SYT16: variants seen among roughly 807,000 people sequenced by gnomAD.
SYT16 encodes synaptotagmin 16, also known as synaptotagmin-16.
SYT16 carries 42 observed loss-of-function variants against 61.4 expected under a neutral mutation model. The ratio of observed to expected loss-of-function variants is 0.68; its 90% CI spans 0.53 to 0.89. SYT16 has a LOEUF of 0.89. Ranked by LOEUF, SYT16 falls within the 40% of genes least tolerant of loss-of-function variation. The pLI, the probability that SYT16 is intolerant of heterozygous loss-of-function variation, is 0.00. For synonymous variants in SYT16, 314 were observed against 302.3 expected (o/e 1.04, Z -0.40); for missense variants, 804 against 807.3 (o/e 1.00, Z 0.05).
At chr14:62,072,811 T>C (rs1297106650) in intron 4 of SYT16, among the ~76,000 whole-genome samples, 3 of 152,080 alleles carry the variant, frequency 2.0e-5, no homozygotes, top group Non-Finnish European at 4.4e-5. Context: ...TTTGGGAGTA[T>C]GAAAAAAGTA....
intron 1 of SYT16, among the ~76,000 whole-genome samples, chr14:61,882,231 A>G (rs944520404): frequency 1.3e-5 from 2 of 152,188 alleles, no homozygotes; most frequent in Non-Finnish European, 2.9e-5. Flanking sequence ...AATAAACAAG[A>G]GAGTACAGGA....
chr14:62,051,004 A>G (rs1248169568), intron 3 of SYT16, among the ~76,000 whole-genome samples: 1 of 152,230 alleles, frequency 6.6e-6, no homozygotes, highest in East Asian at 1.9e-4. Context: ...AAACTGTCAG[A>G]CAGGGACATT....
chr14:61,912,805 G>C (rs888225895), intron 1 of SYT16, among the ~76,000 whole-genome samples: 11 of 152,164 alleles, frequency 7.2e-5, no homozygotes, highest in African/African-American at 2.4e-4. Flanking sequence ...CAAAGATAAA[G>C]ATGATTTAGT....
Position 61,996,026 on chromosome 14 carries a change from T to C in SYT16, c.7T>C (p.Leu3=). ...AGACATCAGATAGCTGGCCATGGTG[T>C]TGGCCATGGCGTCTCAGGATGTTCA... MV[L]AMASQDVQNF... is the part of the protein sequence containing the mutation. The change falls in exon 3 of 8, where the codon TTG becomes CTG. Residue 3 remains leucine (L), a synonymous_variant. Transcript: ENST00000683842. 1 of 1,588,276 alleles carries C rather than the reference T, an allele frequency of 6.3e-7. No homozygotes were observed.
At chr14:62,015,713 A>G (rs1483880028) in intron 3 of SYT16, among the ~76,000 whole-genome samples, 1 of 152,186 alleles carries the variant, frequency 6.6e-6, no homozygotes, top group Admixed American at 6.5e-5. Context: ...CCATGTGAGG[A>G]CACAGTGAGA....
At chr14:61,826,333 T>C (rs2045771515) in intron 1 of SYT16, among the ~76,000 whole-genome samples, 1 of 152,068 alleles carries the variant, frequency 6.6e-6, no homozygotes, top group African/African-American at 2.4e-5. Flanking sequence ...GGGCAGAACA[T>C]GAACTCCACA....
intron 1 of SYT16, among the ~76,000 whole-genome samples, chr14:61,847,869 T>C (rs1164692832): frequency 6.6e-6 from 1 of 152,236 alleles, no homozygotes; most frequent in Non-Finnish European, 1.5e-5. Flanking sequence ...AGTATGTCAA[T>C]TGTAGTTTTT....
At chr14:61,911,499 A>C (rs1282839921) in intron 1 of SYT16, among the ~76,000 whole-genome samples, 1 of 152,196 alleles carries the variant, frequency 6.6e-6, no homozygotes, top group Non-Finnish European at 1.5e-5. Context: ...CTGTTGAAAA[A>C]TGTACAAAAG....
intron 1 of SYT16, among the ~76,000 whole-genome samples, chr14:61,932,783 G>C (rs1321960501): frequency 6.6e-6 from 1 of 152,174 alleles, no homozygotes; most frequent in Non-Finnish European, 1.5e-5. Context: ...CTGCTCATGA[G>C]ATTAAGCTAC....
chr14:61,951,683 C>T (rs2050676445), intron 1 of SYT16, among the ~76,000 whole-genome samples: 1 of 152,080 alleles, frequency 6.6e-6, no homozygotes, highest in Non-Finnish European at 1.5e-5. Context: ...CCCATTGACT[C>T]AACAACCAAT....
At chr14:62,028,482 A>G (rs79238664) in intron 3 of SYT16, among the ~76,000 whole-genome samples, 9,487 of 152,278 alleles carry the variant, frequency 0.062, 525 homozygotes, top group African/African-American at 0.15. Context: ...AGATTTGAAT[A>G]TAGGCAGCCT....
chr14:61,957,441 G>A (rs145154557), intron 1 of SYT16, among the ~76,000 whole-genome samples: 137 of 152,056 alleles, frequency 9.0e-4, no homozygotes, highest in African/African-American at 3.0e-3. Flanking sequence ...TTACCTGTGG[G>A]CTTTGAATAA....
At chr14:62,041,502 T>C (rs2054729085) in intron 3 of SYT16, among the ~76,000 whole-genome samples, 1 of 152,174 alleles carries the variant, frequency 6.6e-6, no homozygotes, top group South Asian at 2.1e-4. Context: ...TACAGAAAAC[T>C]CTGGGCCATT....
intron 1 of SYT16, among the ~76,000 whole-genome samples, chr14:61,910,591 C>T (rs2048896830): frequency 1.3e-5 from 2 of 149,942 alleles, no homozygotes; most frequent in Non-Finnish European, 3.0e-5. Context: ...AGTACAGTGG[C>T]ATGATCTCAG....
At chr14:61,913,335 G>T (rs2049002049) in intron 1 of SYT16, among the ~76,000 whole-genome samples, 1 of 152,112 alleles carries the variant, frequency 6.6e-6, no homozygotes, top group Non-Finnish European at 1.5e-5. Context: ...AATACAGTTT[G>T]CTACCATGGA....
chr14:61,824,268 G>T (rs1197529902), intron 1 of SYT16, among the ~76,000 whole-genome samples: 1 of 152,048 alleles, frequency 6.6e-6, no homozygotes, highest in African/African-American at 2.4e-5. Context: ...TTGAAGGAAA[G>T]AACTACTTCT....
At chr14:62,049,462 T>C (rs1415435284) in intron 3 of SYT16, among the ~76,000 whole-genome samples, 1 of 152,242 alleles carries the variant, frequency 6.6e-6, no homozygotes, top group Non-Finnish European at 1.5e-5. Context: ...AATTGGAGCA[T>C]TTAGCCCATT....
intron 1 of SYT16, among the ~76,000 whole-genome samples, chr14:61,868,703 G>A (rs566674915): frequency 1.3e-5 from 2 of 151,924 alleles, no homozygotes; most frequent in Admixed American, 1.3e-4. Flanking sequence ...GTTAAGACTT[G>A]TTTTGTTGCC....
intron 1 of SYT16, among the ~76,000 whole-genome samples, chr14:61,958,132 A>G (rs1382812130): frequency 6.6e-6 from 1 of 151,572 alleles, no homozygotes; most frequent in Non-Finnish European, 1.5e-5. Context: ...TTCAGTTGTA[A>G]TATCTTCCCT....
Sources: gnomAD v4.1 joint callset for allele counts (sites outside exome capture counted in the v4.1 genomes callset) on GRCh38, gnomAD v4.1.1 for gene constraint, MANE v1.5 for transcripts, NCBI Gene and HGNC (gene_info 2026-07-23, HGNC 2026-07-21) for gene names.